TCF4: variants seen among roughly 807,000 people sequenced by gnomAD.
The protein encoded by TCF4 is SL3-3 enhancer factor 2.
In TCF4, 3 loss-of-function variants were observed where a neutral mutation model predicts 82.1. The ratio of observed to expected loss-of-function variants is 0.04; its 90% CI spans 0.02 to 0.09. The LOEUF is 0.09. Among genes scored for constraint, TCF4 ranks in the 10% least tolerant of loss-of-function variants. The pLI is 1.00. For synonymous variants in TCF4, 276 were observed against 309.6 expected (o/e 0.89, Z 1.14); for missense variants, 518 against 852.7 (o/e 0.61, Z 4.89).
chr18:55,297,448 A>T (rs1482125846), intron 8 of TCF4, among the ~76,000 whole-genome samples: 1 of 136,472 alleles, frequency 7.3e-6, no homozygotes, highest in Non-Finnish European at 1.5e-5. Context: ...ACAAGAATAG[A>T]TCTTAAAGGG....
intron 5 of TCF4, among the ~76,000 whole-genome samples, chr18:55,435,489 T>G (rs1198915907): frequency 1.3e-5 from 2 of 152,348 alleles, no homozygotes; most frequent in African/African-American, 4.8e-5. Flanking sequence ...GGCATTATTT[T>G]CTGCCTTGTT....
intron 3 of TCF4, among the ~76,000 whole-genome samples, chr18:55,572,257 G>C (rs1251250598): frequency 6.6e-6 from 1 of 152,166 alleles, no homozygotes; most frequent in Non-Finnish European, 1.5e-5. Flanking sequence ...TAACTAGCTG[G>C]TGTAACCAAT....
intron 6 of TCF4, among the ~76,000 whole-genome samples, chr18:55,370,560 C>T (rs2088798120): frequency 6.6e-6 from 1 of 152,064 alleles, no homozygotes. Flanking sequence ...AGCACCTTAG[C>T]CAGTCCTCCT....
chr18:55,396,251 C>T (rs1300975404), intron 6 of TCF4, among the ~76,000 whole-genome samples: 1 of 152,186 alleles, frequency 6.6e-6, no homozygotes, highest in Admixed American at 6.5e-5. Flanking sequence ...TTACTTGAAG[C>T]AAATGATTTG....
In TCF4 at chr18:55,410,183, A is replaced by G. The variant is rs141874741; in HGVS notation, c.305-6665T>C. ...AGTAAACCATTTTTTTCTGGAAAAG[A>G]CTGGCATTAACTCTCTCTTCCGCTG... On this transcript the variant is annotated intron_variant, in intron 5 of 19. Coordinates refer to ENST00000354452, the MANE Select transcript of TCF4 (RefSeq NM_001083962.2). Among the ~76,000 whole-genome samples, 193 of 152,264 alleles carry G rather than the reference A, an allele frequency of 1.3e-3. 1 individual carries two copies. The highest frequency in any genetic ancestry group is 4.3e-3 in the African/African-American group (177 of 41,542).
At chr18:55,341,183 G>C (rs772279955) in intron 8 of TCF4, among the ~76,000 whole-genome samples, 1 of 152,198 alleles carries the variant, frequency 6.6e-6, no homozygotes, top group African/African-American at 2.4e-5. Context: ...AGGCAGCATA[G>C]ACAGCACTAT....
Position 55,223,418 on chromosome 18 carries a change from A to G in TCF4, c.*4617T>C, listed in dbSNP as rs571731701. 6.5e-6 allele frequency: 1 copy of G among 152,766 alleles called. No homozygotes were observed. Among genetic ancestry groups the G allele is most frequent in the African/African-American group, 2.4e-5 (1 of 41,576 alleles). 9.5% of individuals were successfully genotyped at this position (152,766 alleles called of 1,614,324 possible). A position where few individuals can be genotyped will look rare whatever the true frequency, so the allele number is the denominator to read the frequency against. ...GAAGAGAATCATAGCTATATGGACAATGCAAAATGAAATGAAACAAGTGTC... is the reference window on the plus strand; with the variant it reads ...GAAGAGAATCATAGCTATATGGACAGTGCAAAATGAAATGAAACAAGTGTC... On this transcript the variant is annotated 3_prime_UTR_variant, in exon 20 of 20. Transcript: ENST00000354452.
intron 1 of TCF4, chr18:55,635,644 A>C (rs2097735634): frequency 1.3e-6 from 2 of 1,506,162 alleles, no homozygotes; most frequent in Non-Finnish European, 1.8e-6. Flanking sequence ...GCCATGGGAG[A>C]TCATTTTTGG....
intron 3 of TCF4, chr18:55,550,727 T>C (rs1401526826): frequency 6.6e-6 from 1 of 152,208 alleles, no homozygotes; most frequent in Admixed American, 6.5e-5. Context: ...CCTCCTCTTC[T>C]TAAATCTTTA....
At chr18:55,585,173 A>C (rs2097627310) in intron 3 of TCF4, 107 bp downstream of exon 3, 1 of 1,021,192 alleles carries the variant, frequency 9.8e-7, no homozygotes, top group African/African-American at 1.6e-5. Context: ...TTACAGGCTA[A>C]AATTCAATGA....
chr18:55,321,746 G>C, intron 8 of TCF4: 8 of 1,535,920 alleles, frequency 5.2e-6, no homozygotes, highest in Non-Finnish European at 7.0e-6. Context: ...CATGGTCTCG[G>C]ATTCTTTTTT....
intron 15 of TCF4, 82 bp downstream of exon 15, chr18:55,254,415 T>A: frequency 7.2e-7 from 1 of 1,385,100 alleles, no homozygotes. Context: ...GCTGATTTTT[T>A]AAAAAACAGC....
At chr18:55,495,172 T>C (rs1157550124) in intron 3 of TCF4, among the ~76,000 whole-genome samples, 1 of 152,070 alleles carries the variant, frequency 6.6e-6, no homozygotes, top group Non-Finnish European at 1.5e-5. Context: ...ATAGATAAGT[T>C]GTTTCAGTGT....
At chr18:55,631,232 T>C in intron 2 of TCF4, 1 of 684,364 alleles carries the variant, frequency 1.5e-6, no homozygotes, top group Non-Finnish European at 2.4e-6. Flanking sequence ...GTGTTTTTAG[T>C]AGAGACAGGA....
At chr18:55,529,185 AAAAAC>A (rs1218834002) in intron 3 of TCF4, among the ~76,000 whole-genome samples, 1 of 152,218 alleles carries the variant, frequency 6.6e-6, no homozygotes, top group African/African-American at 2.4e-5. Context: ...CTCAAAAAAC[AAAAAC>A]AAAACAAAAC....
At chr18:55,496,571 C>T (rs533609087) in intron 3 of TCF4, among the ~76,000 whole-genome samples, 23 of 152,050 alleles carry the variant, frequency 1.5e-4, no homozygotes, top group Non-Finnish European at 2.4e-4. Context: ...CAATTCTCAG[C>T]TTTTTTGAAG....
At chr18:55,415,414 A>G (rs938380857) in intron 5 of TCF4, among the ~76,000 whole-genome samples, 2 of 151,970 alleles carry the variant, frequency 1.3e-5, no homozygotes, top group African/African-American at 4.8e-5. Context: ...TGAAAAGTAA[A>G]AGAAAGAAAG....
chr18:55,295,450 G>C (rs2066249296), intron 8 of TCF4, among the ~76,000 whole-genome samples: 2 of 152,088 alleles, frequency 1.3e-5, no homozygotes, highest in African/African-American at 4.8e-5. Context: ...AGACCTCCTG[G>C]ATGCTGCAGC....
At chr18:55,369,721 G>A (rs1465508511) in intron 6 of TCF4, among the ~76,000 whole-genome samples, 4 of 152,062 alleles carry the variant, frequency 2.6e-5, no homozygotes, top group Non-Finnish European at 4.4e-5. Context: ...GTTGGGGGGC[G>A]CAGATATCAG....
Sources: allele counts gnomAD v4.1 joint callset (sites outside exome capture counted in the v4.1 genomes callset), GRCh38; gene constraint gnomAD v4.1.1; transcripts MANE v1.5; gene names NCBI Gene and HGNC (gene_info 2026-07-23, HGNC 2026-07-21).